POU2F1: variants seen among roughly 807,000 people sequenced by gnomAD.
POU2F1 encodes POU domain, class 2, transcription factor 1.
Under a neutral mutation model 84.9 loss-of-function variants are expected in POU2F1, and 16 were observed. That is an observed-to-expected ratio of 0.19 (90% CI 0.13 to 0.29). The LOEUF (loss-of-function observed/expected upper bound fraction) is 0.29. Among genes scored for constraint, POU2F1 ranks in the 10% least tolerant of loss-of-function variants. The pLI is 1.00. For missense variants in POU2F1, 738 were observed against 942.6 expected, an observed-to-expected ratio of 0.78 and a Z score of 2.84; for synonymous variants, 368 against 368.3, an observed-to-expected ratio of 1.00 and a Z score of 0.01.
Position 167,365,456 on chromosome 1 carries a change from T to C in POU2F1, c.128-11T>C. Reference sequence around the variant, plus strand: ...CTTTTAATAGTTGAAATTATTTTGCTTGCTTTCTAGGCACACAAACCAATG... The same window carrying C: ...CTTTTAATAGTTGAAATTATTTTGCCTGCTTTCTAGGCACACAAACCAATG... On this transcript the variant is annotated splice_polypyrimidine_tract_variant and intron_variant, in intron 2 of 15. Coordinates refer to ENST00000367866, the MANE Select transcript of POU2F1 (RefSeq NM_002697.4). 2 of 1,545,400 alleles carry C rather than the reference T, an allele frequency of 1.3e-6. No homozygotes were observed. Among genetic ancestry groups the C allele is most frequent in the Non-Finnish European group, 1.7e-6 (2 of 1,147,518 alleles).
intron 8 of POU2F1, among the ~76,000 whole-genome samples, chr1:167,386,212 A>C (rs1647965316): frequency 6.6e-6 from 1 of 152,022 alleles, no homozygotes; most frequent in African/African-American, 2.4e-5. Flanking sequence ...GGTGAGGGGG[A>C]GGCAAGGTCT....
At chr1:167,266,836 A>C (rs1486783394) in intron 1 of POU2F1, among the ~76,000 whole-genome samples, 2 of 151,956 alleles carry the variant, frequency 1.3e-5, no homozygotes, top group Non-Finnish European at 2.9e-5. Flanking sequence ...GTTGGCCAGG[A>C]TGGTCTTGAT....
intron 1 of POU2F1, among the ~76,000 whole-genome samples, chr1:167,267,615 T>A (rs1652059098): frequency 7.1e-6 from 1 of 141,174 alleles, no homozygotes. Flanking sequence ...TGTGAAAGTA[T>A]CACAGTTACT....
intron 1 of POU2F1, among the ~76,000 whole-genome samples, chr1:167,284,725 G>A (rs1653398869): frequency 6.6e-6 from 1 of 152,048 alleles, no homozygotes; most frequent in Admixed American, 6.6e-5. Context: ...TGAAAATTGG[G>A]GAATAACTTG....
chr1:167,352,659 T>C (rs2101792010), intron 2 of POU2F1, among the ~76,000 whole-genome samples: 1 of 152,324 alleles, frequency 6.6e-6, no homozygotes, highest in East Asian at 1.9e-4. Context: ...ACAAGGAGCT[T>C]GATTAGTTCT....
chr1:167,426,153 A>G lies in POU2F1; in HGVS notation c.*10343A>G, dbSNP rs572229034. 1 of 152,266 alleles carries G rather than the reference A, an allele frequency of 6.6e-6. No homozygotes were observed. The highest frequency in any genetic ancestry group is 2.1e-4 in the South Asian group (1 of 4,830). The allele number at this position is 152,266 out of a possible 1,614,324, so 9.4% of individuals were successfully genotyped here. A position where few individuals can be genotyped will look rare whatever the true frequency, so the allele number is the denominator to read the frequency against. On this transcript the variant is annotated 3_prime_UTR_variant, in exon 16 of 16. Transcript: ENST00000367866. ...CTGCAGAACCTTAGACTCGTGTATT[A>G]AGTACGATTACCCAGCACTTGCATT...
At chr1:167,277,624 A>G (rs528157251) in intron 1 of POU2F1, among the ~76,000 whole-genome samples, 12 of 152,162 alleles carry the variant, frequency 7.9e-5, no homozygotes, top group African/African-American at 2.4e-4. Context: ...TTTGTTGTCC[A>G]GAGATGTCAG....
At chr1:167,329,045 A>C in intron 1 of POU2F1, 1 of 1,184,626 alleles carries the variant, frequency 8.4e-7, no homozygotes, top group Non-Finnish European at 1.1e-6. Flanking sequence ...GAGAGACTAA[A>C]ACTCCTCTGA....
rs1427566751 is a variant in POU2F1, at chr1:167,415,913, G to A, written c.*103G>A. ...AAAATGTGATTGGCTTCCTCTCGCC[G>A]TGTTGTGAGGGCAAAGGAGAGAAGG... On this transcript the variant is annotated 3_prime_UTR_variant, in exon 16 of 16. Coordinates refer to ENST00000367866, the MANE Select transcript of POU2F1 (RefSeq NM_002697.4). The A allele has an allele frequency of 1.3e-5, 12 of 916,472 alleles. No individual in the cohort carries two copies. The highest frequency in any genetic ancestry group is 4.6e-5 in the South Asian group (3 of 64,982). 56.8% of individuals were successfully genotyped at this position (916,472 alleles called of 1,614,324 possible).
At chr1:167,395,504 T>G (rs1232574606) in intron 9 of POU2F1, among the ~76,000 whole-genome samples, 1 of 152,216 alleles carries the variant, frequency 6.6e-6, no homozygotes, top group African/African-American at 2.4e-5. Context: ...AAAGTGATTT[T>G]TGGGAAGTTT....
chr1:167,301,699 G>GTAGGTTTTT (rs1185458593), intron 1 of POU2F1, among the ~76,000 whole-genome samples: 1 of 152,162 alleles, frequency 6.6e-6, no homozygotes, highest in Non-Finnish European at 1.5e-5. Flanking sequence ...GGAAGGGTGG[G>GTAGGTTTTT]TAGGTTTTTC....
intron 1 of POU2F1, among the ~76,000 whole-genome samples, chr1:167,236,869 A>G (rs1275192125): frequency 6.6e-6 from 1 of 152,218 alleles, no homozygotes; most frequent in African/African-American, 2.4e-5. Context: ...TCTAAAGGCA[A>G]TTTTAATTTT....
intron 1 of POU2F1, among the ~76,000 whole-genome samples, chr1:167,257,517 A>G (rs1651233110): frequency 6.6e-6 from 1 of 152,244 alleles, no homozygotes; most frequent in East Asian, 1.9e-4. Flanking sequence ...GAACATACAT[A>G]GTAGCTTCAA....
intron 2 of POU2F1, among the ~76,000 whole-genome samples, chr1:167,333,608 T>C (rs1211332252): frequency 6.6e-6 from 1 of 152,174 alleles, no homozygotes; most frequent in African/African-American, 2.4e-5. Context: ...CTTATGTTAA[T>C]CTCTAAACTG....
At chr1:167,319,969 A>G (rs958947561) in intron 1 of POU2F1, among the ~76,000 whole-genome samples, 5 of 152,220 alleles carry the variant, frequency 3.3e-5, no homozygotes, top group Admixed American at 2.0e-4. Context: ...TTAAATTGTA[A>G]AAGTGTCTGG....
intron 1 of POU2F1, among the ~76,000 whole-genome samples, chr1:167,291,423 G>A (rs948865630): frequency 5.9e-5 from 9 of 152,200 alleles, no homozygotes; most frequent in African/African-American, 2.2e-4. Flanking sequence ...AAAACCCTGG[G>A]AAAGGTTCAG....
At chr1:167,321,705 A>G (rs1656323604) in intron 1 of POU2F1, among the ~76,000 whole-genome samples, 1 of 152,196 alleles carries the variant, frequency 6.6e-6, no homozygotes, top group African/African-American at 2.4e-5. Flanking sequence ...AAGCTTAACA[A>G]TGGCCACCAT....
chr1:167,240,571 GCTTATA>G (rs1438295657), intron 1 of POU2F1, among the ~76,000 whole-genome samples: 2 of 152,150 alleles, frequency 1.3e-5, no homozygotes. Context: ...ATGATTATGA[GCTTATA>G]CTTAGCCTAA....
At chr1:167,413,989 A>T (rs1650142580) in intron 15 of POU2F1, among the ~76,000 whole-genome samples, 1 of 144,966 alleles carries the variant, frequency 6.9e-6, no homozygotes, top group South Asian at 2.1e-4. Context: ...CCTGTTTCTA[A>T]AAAAAAAAAA....
Sources: gnomAD v4.1 joint callset for allele counts (sites outside exome capture counted in the v4.1 genomes callset) on GRCh38, gnomAD v4.1.1 for gene constraint, MANE v1.5 for transcripts, NCBI Gene and HGNC (gene_info 2026-07-23, HGNC 2026-07-21) for gene names.